ADRA1B: variants seen among roughly 807,000 people sequenced by gnomAD.
The protein encoded by ADRA1B is alpha-1B adrenergic receptor.
A neutral mutation model predicts 17.9 loss-of-function variants in ADRA1B; 17 were observed. That is an observed-to-expected ratio of 0.95 (90% confidence interval 0.65 to 1.42). The LOEUF (loss-of-function observed/expected upper bound fraction) is 1.42. Ranked by LOEUF, ADRA1B falls within the 40% of genes most tolerant of loss-of-function variation. The pLI is 0.00. For missense variants in ADRA1B, 681 were observed against 722.1 expected (o/e 0.94, Z 0.65); for synonymous variants, 366 against 327.6 (o/e 1.12, Z -1.27).
rs1210567434 is a variant in ADRA1B at position 159,953,893 on chromosome 5, GA to G, written c.950-17976del. 4.8e-5 allele frequency among the ~76,000 whole-genome samples: 7 copies of G among 145,868 alleles called. No homozygotes were observed. In the East Asian group the frequency reaches 5.9e-4, roughly 12 times the overall value. ...ATTTATCTATGTGAAAAGAGCTGGT[GA>G]AAAAAAAAAGAAAGAAAATGAAAGC... is the stretch of plus-strand genomic sequence containing the variant. On this transcript the variant is annotated intron_variant, in intron 1 of 1. Transcript: ENST00000306675.
Position 159,916,654 on chromosome 5 carries a change from G to A in ADRA1B, c.-252G>A. ...AGCCCGGCCAGGCGCGCCTGACGTG[G>A]ACCATTAAACTTGGAGCTGCCGCCT... On this transcript the variant is annotated 5_prime_UTR_variant, in exon 1 of 2. Coordinates refer to ENST00000306675, the MANE Select transcript of ADRA1B (RefSeq NM_000679.4). 2.3e-6 allele frequency: 1 copy of A among 438,006 alleles called. No homozygotes were observed. Among genetic ancestry groups the A allele is most frequent in the Non-Finnish European group, 4.0e-6 (1 of 248,986 alleles). The allele number at this position is 438,006 out of a possible 1,614,324, so 27.1% of individuals were successfully genotyped here.
At chr5:159,963,162 A>T (rs1755708968) in intron 1 of ADRA1B, among the ~76,000 whole-genome samples, 1 of 150,892 alleles carries the variant, frequency 6.6e-6, no homozygotes, top group Non-Finnish European at 1.5e-5. Flanking sequence ...AGCACAGAGA[A>T]GGAAAATTCA....
At chr5:159,977,054 C>A (rs530968874), downstream of ADRA1B, among the ~76,000 whole-genome samples, 102 of 152,252 alleles carry the variant, frequency 6.7e-4, no homozygotes, top group African/African-American at 2.3e-3. Flanking sequence ...TATGGGGGAC[C>A]TTGTATATCC....
At chr5:159,883,803 C>T (rs1753892328) in intron 1 of ADRA1B, among the ~76,000 whole-genome samples, 1 of 152,224 alleles carries the variant, frequency 6.6e-6, no homozygotes, top group African/African-American at 2.4e-5. Flanking sequence ...CCAGAGACTT[C>T]CTGACTGGTT....
At chr5:159,953,484 C>T (rs1457529885) in intron 1 of ADRA1B, among the ~76,000 whole-genome samples, 1 of 152,202 alleles carries the variant, frequency 6.6e-6, no homozygotes, top group African/African-American at 2.4e-5. Context: ...TTCTAGACAC[C>T]CCCACACTGA....
At chr5:159,897,151 C>T (rs1012881807) in intron 1 of ADRA1B, among the ~76,000 whole-genome samples, 1 of 152,196 alleles carries the variant, frequency 6.6e-6, no homozygotes, top group Non-Finnish European at 1.5e-5. Context: ...AACTATTTTC[C>T]TCGTTTCCTG....
At chr5:159,885,732 T>C (rs1193496157) in intron 1 of ADRA1B, among the ~76,000 whole-genome samples, 1 of 152,190 alleles carries the variant, frequency 6.6e-6, no homozygotes, top group Non-Finnish European at 1.5e-5. Context: ...ATAAAGCTAT[T>C]ACACATTCTT....
At chr5:159,968,895 T>C (rs1328244115) in intron 1 of ADRA1B, among the ~76,000 whole-genome samples, 1 of 152,206 alleles carries the variant, frequency 6.6e-6, no homozygotes, top group Non-Finnish European at 1.5e-5. Flanking sequence ...CAAAATTTAT[T>C]CTCCAGTTTC....
At chr5:159,977,767 A>G (rs1428168774), downstream of ADRA1B, among the ~76,000 whole-genome samples, 1 of 152,086 alleles carries the variant, frequency 6.6e-6, no homozygotes, top group Non-Finnish European at 1.5e-5. Flanking sequence ...CACAGGTATG[A>G]CCTGCCCTTA....
At chr5:159,974,024 C>G (rs1755934939), downstream of ADRA1B, among the ~76,000 whole-genome samples, 1 of 152,142 alleles carries the variant, frequency 6.6e-6, no homozygotes, top group African/African-American at 2.4e-5. Flanking sequence ...GAACCTCTTC[C>G]AATAATATTA....
In ADRA1B at chr5:159,917,688, C is replaced by G; in HGVS notation, c.783C>G (p.His261Gln). The change falls in exon 1 of 2, where the codon CAC becomes CAG. Residue 261 changes from histidine to glutamine, a missense_variant. Coordinates refer to ENST00000306675, the MANE Select transcript of ADRA1B (RefSeq NM_000679.4). Reference protein sequence around the residue: ...LTLRIHSKNFHEDTLSSTKAK... With the variant: ...LTLRIHSKNFQEDTLSSTKAK... ...TGAGGATCCATTCCAAGAACTTTCACGAGGACACCCTTAGCAGTACCAAGG... is the reference window on the plus strand; with the variant it reads ...TGAGGATCCATTCCAAGAACTTTCAGGAGGACACCCTTAGCAGTACCAAGG... The G allele has an allele frequency of 6.2e-7, 1 of 1,614,006 alleles. No individual in the cohort carries two copies. Among genetic ancestry groups the G allele is most frequent in the South Asian group, 1.1e-5 (1 of 91,068 alleles).
chr5:159,889,393 T>C (rs931292539), intron 1 of ADRA1B, among the ~76,000 whole-genome samples: 1 of 152,112 alleles, frequency 6.6e-6, no homozygotes, highest in East Asian at 1.9e-4. Context: ...AACAGCACAG[T>C]AGTGGGCATT....
intron 1 of ADRA1B, among the ~76,000 whole-genome samples, chr5:159,906,685 T>G (rs1754165629): frequency 6.6e-6 from 1 of 152,174 alleles, no homozygotes; most frequent in Non-Finnish European, 1.5e-5. Flanking sequence ...AGGCTCTTGA[T>G]GGAGCAGGAC....
intron 1 of ADRA1B, among the ~76,000 whole-genome samples, chr5:159,907,288 C>T (rs1379619175): frequency 2.6e-5 from 4 of 152,132 alleles, no homozygotes; most frequent in South Asian, 4.2e-4. Context: ...TCCAACAAGC[C>T]CTGGCTCTCT....
chr5:159,881,311 C>CTCTG (rs1561581421), intron 1 of ADRA1B, among the ~76,000 whole-genome samples: 73 of 148,012 alleles, frequency 4.9e-4, no homozygotes, highest in Non-Finnish European at 8.8e-4. Flanking sequence ...CTCTCTCTCT[C>CTCTG]TCTCTCTCTC....
At chr5:159,952,297 G>A (rs1404781537) in intron 1 of ADRA1B, among the ~76,000 whole-genome samples, 1 of 152,134 alleles carries the variant, frequency 6.6e-6, no homozygotes, top group Non-Finnish European at 1.5e-5. Context: ...GGCACAGTAT[G>A]AGGTTAAGAA....
At chr5:159,865,839 A>G (rs1753645917) in intron 1 of ADRA1B, among the ~76,000 whole-genome samples, 1 of 152,248 alleles carries the variant, frequency 6.6e-6, no homozygotes, top group Non-Finnish European at 1.5e-5. Flanking sequence ...GACGTAACCC[A>G]TAAAGCTAAC....
At chr5:159,948,261 A>G in intron 1 of ADRA1B, 1 of 985,454 alleles carries the variant, frequency 1.0e-6, no homozygotes, top group African/African-American at 1.7e-5. Context: ...TCCGCAGGTT[A>G]AGAAGCTGGA....
chr5:159,948,272 C>T (rs779173888), intron 1 of ADRA1B: 11 of 985,442 alleles, frequency 1.1e-5, no homozygotes, highest in Non-Finnish European at 1.3e-5. Context: ...AGAAGCTGGA[C>T]CTTTTCACAC....
Sources: gnomAD v4.1 joint callset for allele counts (sites outside exome capture counted in the v4.1 genomes callset) on GRCh38, gnomAD v4.1.1 for gene constraint, MANE v1.5 for transcripts, NCBI Gene and HGNC (gene_info 2026-07-23, HGNC 2026-07-21) for gene names.